ARMC2: variants seen among roughly 807,000 people sequenced by gnomAD.
ARMC2 encodes armadillo repeat containing 2.
A neutral mutation model predicts 90.3 loss-of-function variants in ARMC2; 67 were observed. The observed-to-expected ratio is 0.74, with a 90% confidence interval of 0.61 to 0.91. ARMC2 has a LOEUF of 0.91. Among genes scored for constraint, ARMC2 ranks in the 40% least tolerant of loss-of-function variants. The pLI is 0.00. For synonymous variants in ARMC2, 393 were observed against 393.0 expected (o/e 1.00, Z 0.00); for missense variants, 920 against 1,030.9 (o/e 0.89, Z 1.47).
chr6:108,876,475 GTACATGAA>G, intron 5 of ARMC2, 125 bp downstream of exon 5: 1 of 923,534 alleles, frequency 1.1e-6, no homozygotes, highest in Non-Finnish European at 1.6e-6. Flanking sequence ...TATGTTAAGG[GTACATGAA>G]TAGGAGAGAC....
chr6:108,915,416 T>C (rs990360947), intron 10 of ARMC2, among the ~76,000 whole-genome samples: 2 of 152,202 alleles, frequency 1.3e-5, no homozygotes, highest in South Asian at 2.1e-4. Context: ...TTTTCTTCTA[T>C]GACTTTCAAC....
rs945384784 is a variant in ARMC2, at chr6:108,881,832, G to A, written c.671+5482G>A. 4.6e-5 allele frequency among the ~76,000 whole-genome samples: 7 copies of A among 152,210 alleles called. 1 individual carries two copies. The highest frequency in any genetic ancestry group is 1.7e-4 in the African/African-American group (7 of 41,440). On this transcript the variant is annotated intron_variant, in intron 5 of 17. Transcript: ENST00000392644. The stretch of plus-strand genomic sequence containing the variant: ...CAAGGGAACATATACTCCCAGGTCA[G>A]CAAAGGTAATGGATTTGGTGATTGC...
the ARMC2 span, chr6:109,008,712 C>A: frequency 1.1e-5 from 10 of 918,916 alleles, no homozygotes; most frequent in African/African-American, 1.8e-5. Flanking sequence ...CTATTTGCAA[C>A]CACTTAGAAA....
At chr6:109,002,393 A>T in the ARMC2 span, 1 of 1,447,110 alleles carries the variant, frequency 6.9e-7, no homozygotes, top group Non-Finnish European at 9.7e-7. Flanking sequence ...AAACAAAATG[A>T]ACTGAGGCTA....
chr6:109,034,633 G>A, the ARMC2 span, among the ~76,000 whole-genome samples: 2 of 152,208 alleles, frequency 1.3e-5, no homozygotes, highest in African/African-American at 4.8e-5. Flanking sequence ...TTGAAGCTGG[G>A]TGTGACCAAG....
At chr6:108,949,877 A>G (rs1460395001) in intron 12 of ARMC2, among the ~76,000 whole-genome samples, 7 of 152,196 alleles carry the variant, frequency 4.6e-5, no homozygotes, top group Non-Finnish European at 1.0e-4. Context: ...CAGGAAGGAG[A>G]TAGTCCCAGA....
At chr6:108,984,191 C>T in the ARMC2 span, among the ~76,000 whole-genome samples, 1 of 152,190 alleles carries the variant, frequency 6.6e-6, no homozygotes, top group Non-Finnish European at 1.5e-5. Context: ...GAAAAACTGT[C>T]TTCCATGAAA....
downstream of ARMC2, among the ~76,000 whole-genome samples, chr6:108,975,899 T>C (rs1187083852): frequency 6.6e-6 from 1 of 152,240 alleles, no homozygotes; most frequent in Non-Finnish European, 1.5e-5. Context: ...TTCTGGATAT[T>C]AGCCCTTTGT....
the ARMC2 span, among the ~76,000 whole-genome samples, chr6:109,002,053 C>G: frequency 6.6e-6 from 1 of 152,146 alleles, no homozygotes; most frequent in Non-Finnish European, 1.5e-5. Context: ...CTTGGCTTTA[C>G]TTGATTAAAT....
chr6:108,996,636 T>TA, the ARMC2 span, among the ~76,000 whole-genome samples: 40 of 149,336 alleles, frequency 2.7e-4, no homozygotes, highest in South Asian at 6.6e-3. Context: ...AAGTTGGGAT[T>TA]AAAAAAAAAA....
At chr6:108,988,330 G>A in the ARMC2 span, 8 of 403,772 alleles carry the variant, frequency 2.0e-5, no homozygotes, top group South Asian at 1.2e-4. Context: ...TTCTGAAGAC[G>A]GGCCAGCCCA....
At chr6:108,966,375 A>G (rs774718862) in intron 17 of ARMC2, among the ~76,000 whole-genome samples, 1 of 152,202 alleles carries the variant, frequency 6.6e-6, no homozygotes, top group Middle Eastern at 3.4e-3. Flanking sequence ...TAATGTCCAG[A>G]TTGCAGGGTG....
chr6:108,962,603 C>T (rs1778076282), intron 15 of ARMC2, among the ~76,000 whole-genome samples: 1 of 152,178 alleles, frequency 6.6e-6, no homozygotes. Context: ...AGTTTTAAAA[C>T]ATACAAAACT....
At chr6:108,952,505 A>G (rs896000887) in intron 12 of ARMC2, among the ~76,000 whole-genome samples, 1 of 152,186 alleles carries the variant, frequency 6.6e-6, no homozygotes, top group Non-Finnish European at 1.5e-5. Flanking sequence ...AGGTGTTGTC[A>G]TCTAGTGCGT....
chr6:108,892,754 C>A, intron 5 of ARMC2, among the ~76,000 whole-genome samples: 1 of 123,076 alleles, frequency 8.1e-6, no homozygotes, highest in South Asian at 2.9e-4. Flanking sequence ...AGTGAAACTC[C>A]ATCTCAAAAA....
At position 108,973,244 on chromosome 6, in the gene ARMC2, G is replaced by C. The variant is rs114488101; in HGVS notation, c.2447-113G>C. The C allele has an allele frequency of 2.6e-3, 1,884 of 730,426 alleles. 32 individuals carry two copies. The African/African-American group carries it at 0.03, about 12-fold the overall frequency. The allele number at this position is 730,426 out of a possible 1,614,324, so 45.2% of individuals were successfully genotyped here. ...TCTCTGAAATCCTGTCTTGTGTTACGTTGGTATTAAAGGACGACCCAGGGT... is the reference window on the plus strand; with the variant it reads ...TCTCTGAAATCCTGTCTTGTGTTACCTTGGTATTAAAGGACGACCCAGGGT... On this transcript the variant is annotated intron_variant, in intron 17 of 17. Transcript: ENST00000392644.
chr6:108,992,637 G>C, the ARMC2 span: 61 of 648,972 alleles, frequency 9.4e-5, no homozygotes, highest in Non-Finnish European at 1.5e-4. Context: ...GGATGAATTA[G>C]AAACAGTCTT....
intron 14 of ARMC2, 60 bp from the exon 15 acceptor site, chr6:108,961,954 A>T: frequency 8.0e-7 from 1 of 1,253,860 alleles, no homozygotes; most frequent in Non-Finnish European, 1.1e-6. Flanking sequence ...GTTGATTTCC[A>T]TTAACCTTTA....
chr6:109,026,314 GA>G, the ARMC2 span, among the ~76,000 whole-genome samples: 3 of 152,092 alleles, frequency 2.0e-5, no homozygotes, highest in South Asian at 6.2e-4. Context: ...AAGGAAGTGT[GA>G]AAAAGACCAA....
Sources: allele counts gnomAD v4.1 joint callset (sites outside exome capture counted in the v4.1 genomes callset), GRCh38; gene constraint gnomAD v4.1.1; transcripts MANE v1.5; gene names NCBI Gene and HGNC (gene_info 2026-07-23, HGNC 2026-07-21).